The following NIPBL variants were observed in gnomAD, a reference collection of about 807,000 sequenced individuals.
The protein encoded by NIPBL is nipped-B-like protein.
In NIPBL, 19 loss-of-function variants were observed where a neutral mutation model predicts 321.8. That is an observed-to-expected ratio of 0.06 (90% CI 0.04 to 0.09). The LOEUF (loss-of-function observed/expected upper bound fraction) is 0.09, where lower values mean the gene tolerates loss of function less well. Among genes scored for constraint, NIPBL ranks in the 10% least tolerant of loss-of-function variants. NIPBL has a pLI of 1.00. For missense variants in NIPBL, 2,210 were observed against 3,327.0 expected (o/e 0.66, Z 8.26); for synonymous variants, 1,106 against 1,114.1 (o/e 0.99, Z 0.14).
intron 14 of NIPBL, among the ~76,000 whole-genome samples, chr5:37,001,902 T>TG (rs1746851365): frequency 6.6e-6 from 1 of 152,216 alleles, no homozygotes; most frequent in Non-Finnish European, 1.5e-5. Context: ...GAGAATTACT[T>TG]GCCTGAGTAT....
intron 6 of NIPBL, among the ~76,000 whole-genome samples, chr5:36,970,076 T>C (rs780855308): frequency 6.6e-6 from 1 of 152,110 alleles, no homozygotes; most frequent in Non-Finnish European, 1.5e-5. Flanking sequence ...GCAGAGTATG[T>C]GTAATTATTT....
intron 20 of NIPBL, 46 bp downstream of exon 20, chr5:37,008,769 A>G (rs1265210852): frequency 1.1e-6 from 1 of 930,420 alleles, no homozygotes; most frequent in African/African-American, 1.6e-5. Flanking sequence ...AACCACCATT[A>G]TATTGAACCG....
intron 1 of NIPBL, among the ~76,000 whole-genome samples, chr5:36,916,503 A>AT (rs1426924007): frequency 2.6e-5 from 4 of 151,812 alleles, no homozygotes; most frequent in Non-Finnish European, 4.4e-5. Context: ...AACCATTTAC[A>AT]TTTTTTTTAA....
At chr5:37,052,029 T>C in intron 41 of NIPBL, 143 bp downstream of exon 41, 1 of 724,028 alleles carries the variant, frequency 1.4e-6, no homozygotes, top group Non-Finnish European at 2.4e-6. Context: ...ACTAAGTTAG[T>C]CTTCCAAGGT....
At chr5:37,059,422 G>T (rs536730498) in intron 44 of NIPBL, among the ~76,000 whole-genome samples, 1 of 152,124 alleles carries the variant, frequency 6.6e-6, no homozygotes, top group Non-Finnish European at 1.5e-5. Flanking sequence ...CAGGAAAATC[G>T]CTTAAACCTG....
chr5:37,013,019 C>A (rs1475909768), intron 21 of NIPBL, among the ~76,000 whole-genome samples: 2 of 151,500 alleles, frequency 1.3e-5, no homozygotes, highest in Non-Finnish European at 2.9e-5. Flanking sequence ...GCAGAGGCGC[C>A]CCTCACCTCC....
In NIPBL at chr5:36,984,738, G is replaced by A. The variant is rs1353090454; in HGVS notation, c.1558G>A (p.Gly520Ser). 1 of 1,613,656 alleles carries A rather than the reference G, an allele frequency of 6.2e-7. No individual in the cohort carries two copies. The highest frequency in any genetic ancestry group is 8.5e-7 in the Non-Finnish European group (1 of 1,179,724). ...ACAGGAGGCTGGGGGTGCTACAGGA[G>A]GTAATAGACCAGCTTCTCAGGAGAC... is the stretch of plus-strand genomic sequence containing the variant. ...YPQEAGGATGGNRPASQETGS... is the reference protein window; with the variant it reads ...YPQEAGGATGSNRPASQETGS... The change falls in exon 10 of 47, where the codon GGT (glycine) becomes AGT (serine). Residue 520 changes from glycine to serine, a missense_variant. By Grantham distance (56) the Gly-to-Ser change is moderately conservative (BLOSUM62 0). This residue lies in a region of NIPBL where 588 missense variants were observed against 564.1 expected (regional missense o/e 1.04). Coordinates refer to ENST00000282516, the MANE Select transcript of NIPBL (RefSeq NM_133433.4).
At chr5:37,039,184 T>C (rs1001155713) in intron 34 of NIPBL, among the ~76,000 whole-genome samples, 4 of 151,976 alleles carry the variant, frequency 2.6e-5, no homozygotes, top group African/African-American at 4.8e-5. Flanking sequence ...TCAACCTCGG[T>C]CATTCTCCAA....
chr5:37,041,775 G>T (rs2149726059), intron 34 of NIPBL, among the ~76,000 whole-genome samples: 1 of 151,958 alleles, frequency 6.6e-6, no homozygotes, highest in South Asian at 2.1e-4. Flanking sequence ...ATGTTGGCCA[G>T]GCTGGTCTTG....
At chr5:36,994,894 T>C (rs1471543861) in intron 10 of NIPBL, among the ~76,000 whole-genome samples, 1 of 152,082 alleles carries the variant, frequency 6.6e-6, no homozygotes, top group African/African-American at 2.4e-5. Context: ...TGTGGGAAGA[T>C]ATGAACTTGA....
At chr5:37,041,555 G>A (rs1006723381) in intron 34 of NIPBL, among the ~76,000 whole-genome samples, 2 of 151,010 alleles carry the variant, frequency 1.3e-5, no homozygotes, top group Non-Finnish European at 3.0e-5. Flanking sequence ...ATGAGCCACT[G>A]TGCCCGGCCT....
At chr5:37,001,371 AG>A (rs1418000422) in intron 14 of NIPBL, among the ~76,000 whole-genome samples, 8 of 152,178 alleles carry the variant, frequency 5.3e-5, no homozygotes, top group African/African-American at 1.7e-4. Flanking sequence ...CTAGTTGTAA[AG>A]TCAAATCTAG....
chr5:37,008,963 G>A (rs1375895584), intron 20 of NIPBL, among the ~76,000 whole-genome samples: 1 of 152,172 alleles, frequency 6.6e-6, no homozygotes, highest in Non-Finnish European at 1.5e-5. Context: ...TGGCACTGTT[G>A]ACATTTTAGG....
At chr5:36,963,712 C>A (rs1741888970) in intron 6 of NIPBL, among the ~76,000 whole-genome samples, 2 of 151,894 alleles carry the variant, frequency 1.3e-5, no homozygotes, top group Non-Finnish European at 2.9e-5. Context: ...TGGCTTGAAC[C>A]CAGAAGGTCA....
At chr5:36,912,827 C>T (rs1222773633) in intron 1 of NIPBL, among the ~76,000 whole-genome samples, 1 of 151,870 alleles carries the variant, frequency 6.6e-6, no homozygotes, top group Admixed American at 6.6e-5. Context: ...ACCTTTTTTT[C>T]ACTGTTTTCT....
intron 1 of NIPBL, among the ~76,000 whole-genome samples, chr5:36,935,757 G>A (rs1472006427): frequency 6.6e-6 from 1 of 152,076 alleles, no homozygotes; most frequent in African/African-American, 2.4e-5. Context: ...CAAAATGTCA[G>A]CATGCCTATT....
chr5:36,951,015 T>G (rs1740226762), intron 1 of NIPBL, among the ~76,000 whole-genome samples: 1 of 152,188 alleles, frequency 6.6e-6, no homozygotes, highest in Non-Finnish European at 1.5e-5. Context: ...TAGCCATAGT[T>G]CAGCAGTGAA....
At chr5:36,888,865 G>A in intron 1 of NIPBL, among the ~76,000 whole-genome samples, 1 of 152,146 alleles carries the variant, frequency 6.6e-6, no homozygotes. Context: ...AACAAAGCAA[G>A]CATTTTCTTC....
chr5:37,033,719 T>G (rs1344614896), intron 32 of NIPBL, among the ~76,000 whole-genome samples: 2 of 85,202 alleles, frequency 2.3e-5, no homozygotes, highest in African/African-American at 9.7e-5. Context: ...TATATATATA[T>G]ATATATATAT....
Sources: gnomAD v4.1 joint callset for allele counts (sites outside exome capture counted in the v4.1 genomes callset) on GRCh38, gnomAD v4.1.1 for gene constraint, gnomAD v4.1.1 regional missense constraint, MANE v1.5 for transcripts, NCBI Gene and HGNC (gene_info 2026-07-23, HGNC 2026-07-21) for gene names.